The following LARGE1 variants were observed in gnomAD, a reference collection of about 807,000 sequenced individuals.
LARGE1 encodes xylosyl- and glucuronyltransferase LARGE1.
LARGE1 carries 43 observed loss-of-function variants against 87.6 expected under a neutral mutation model. The observed-to-expected ratio is 0.49, with a 90% confidence interval of 0.38 to 0.63. The LOEUF is 0.63. Ranked by LOEUF, LARGE1 falls within the 30% of genes least tolerant of loss-of-function variation. The pLI is 0.00. For missense variants in LARGE1, 802 were observed against 1,000.2 expected (o/e 0.80, Z 2.67); for synonymous variants, 434 against 394.6 (o/e 1.10, Z -1.18).
Position 33,564,742 on chromosome 22 carries a change from C to T in LARGE1, c.787+106G>A, listed in dbSNP as rs142066420. Reference sequence around the variant, plus strand: ...TAATTCCTCACCCACTGCATTAGCACGACCTCATTCGAGGAGACCTCACCT... The same window carrying T: ...TAATTCCTCACCCACTGCATTAGCATGACCTCATTCGAGGAGACCTCACCT... On this transcript the variant is annotated intron_variant, in intron 6 of 14. Coordinates refer to ENST00000397394, the MANE Select transcript of LARGE1 (RefSeq NM_133642.5). 1.0e-4 allele frequency: 115 copies of T among 1,129,736 alleles called. No individual in the cohort carries two copies. The African/African-American group carries it at 1.4e-3, about 13-fold the overall frequency. The allele number at this position is 1,129,736 out of a possible 1,614,324, so 70.0% of individuals were successfully genotyped here.
At chr22:33,713,278 C>T (rs1007652623) in intron 2 of LARGE1, among the ~76,000 whole-genome samples, 3 of 152,114 alleles carry the variant, frequency 2.0e-5, no homozygotes, top group African/African-American at 7.2e-5. Context: ...AAAGTCCCAG[C>T]TCCCCCAGGA....
At chr22:33,804,515 T>G (rs192521691) in intron 1 of LARGE1, among the ~76,000 whole-genome samples, 1 of 152,300 alleles carries the variant, frequency 6.6e-6, no homozygotes, top group East Asian at 1.9e-4. Context: ...CTGCAAGAGA[T>G]CCACAGTTCA....
At chr22:33,554,133 T>G (rs1569264527) in intron 6 of LARGE1, among the ~76,000 whole-genome samples, 1 of 152,062 alleles carries the variant, frequency 6.6e-6, no homozygotes, top group Non-Finnish European at 1.5e-5. Context: ...CAGTGATCCC[T>G]CCTCATGAGT....
At chr22:33,641,227 C>A (rs1389757655) in intron 3 of LARGE1, among the ~76,000 whole-genome samples, 1 of 152,298 alleles carries the variant, frequency 6.6e-6, no homozygotes, top group East Asian at 1.9e-4. Context: ...TGTTCTGAAG[C>A]CTCCGCTGGT....
At chr22:33,150,078 A>C in the LARGE1 span, among the ~76,000 whole-genome samples, 70,561 of 151,924 alleles carry the variant, frequency 0.46, 16,517 homozygotes, top group South Asian at 0.69. Context: ...TTAAAACTTA[A>C]ATTTGTTTTA....
intron 11 of LARGE1, among the ~76,000 whole-genome samples, chr22:33,306,734 C>T (rs934724151): frequency 1.3e-5 from 2 of 151,794 alleles, no homozygotes; most frequent in South Asian, 2.1e-4. Flanking sequence ...ATTAGCCAGG[C>T]GTGGTAGTGA....
At chr22:33,475,398 T>C (rs2069028074) in intron 6 of LARGE1, among the ~76,000 whole-genome samples, 1 of 152,014 alleles carries the variant, frequency 6.6e-6, no homozygotes, top group African/African-American at 2.4e-5. Context: ...TCCTAGTACC[T>C]ACTTGATAAT....
chr22:33,826,012 G>C (rs958867563), intron 1 of LARGE1, among the ~76,000 whole-genome samples: 1 of 152,160 alleles, frequency 6.6e-6, no homozygotes. Context: ...CAAGGACAGA[G>C]AGACCCGCTG....
At chr22:33,476,303 T>C (rs2069076336) in intron 6 of LARGE1, among the ~76,000 whole-genome samples, 1 of 152,202 alleles carries the variant, frequency 6.6e-6, no homozygotes. Context: ...AAAGTGACTA[T>C]TTCTCCACCA....
chr22:33,697,283 A>T (rs528180027), intron 2 of LARGE1, among the ~76,000 whole-genome samples: 1 of 152,182 alleles, frequency 6.6e-6, no homozygotes, highest in Non-Finnish European at 1.5e-5. Context: ...CAGATACAGC[A>T]GGGTCCGTAA....
intron 1 of LARGE1, among the ~76,000 whole-genome samples, chr22:33,850,232 C>A (rs190148730): frequency 6.6e-6 from 1 of 152,198 alleles, no homozygotes; most frequent in Admixed American, 6.5e-5. Flanking sequence ...AGCAATAACA[C>A]GGCCTTCAAA....
intron 6 of LARGE1, among the ~76,000 whole-genome samples, chr22:33,551,205 A>G (rs2077513324): frequency 6.6e-6 from 1 of 152,202 alleles, no homozygotes; most frequent in East Asian, 1.9e-4. Context: ...CAACTGTTAA[A>G]AACACACAAA....
intron 1 of LARGE1, among the ~76,000 whole-genome samples, chr22:33,829,779 TG>T (rs1162412530): frequency 6.6e-6 from 1 of 152,072 alleles, no homozygotes; most frequent in Non-Finnish European, 1.5e-5. Flanking sequence ...CTAACAGCAT[TG>T]CCATTCAAGA....
chr22:33,379,704 T>C (rs940911115), intron 9 of LARGE1, among the ~76,000 whole-genome samples: 8 of 152,094 alleles, frequency 5.3e-5, no homozygotes, highest in African/African-American at 1.7e-4. Context: ...ATTGCAAGGA[T>C]AGAAAACCAA....
intron 6 of LARGE1, among the ~76,000 whole-genome samples, chr22:33,482,738 ATACTCTTTCAGT>A (rs1311073356): frequency 6.6e-6 from 1 of 152,164 alleles, no homozygotes; most frequent in African/African-American, 2.4e-5. Flanking sequence ...CAATCCAATA[ATACTCTTTCAGT>A]TATTTAAAAA....
At chr22:33,430,138 A>C (rs2067026177) in intron 7 of LARGE1, among the ~76,000 whole-genome samples, 1 of 152,198 alleles carries the variant, frequency 6.6e-6, no homozygotes, top group Non-Finnish European at 1.5e-5. Context: ...TTGGTAGTTA[A>C]CACCACAGGC....
intron 6 of LARGE1, among the ~76,000 whole-genome samples, chr22:33,433,633 A>C (rs953335379): frequency 6.7e-6 from 1 of 150,322 alleles, no homozygotes; most frequent in African/African-American, 2.4e-5. Flanking sequence ...AAAAAAAAGA[A>C]AGGGAAATTG....
the LARGE1 span, among the ~76,000 whole-genome samples, chr22:33,077,840 A>G: frequency 1.8e-4 from 27 of 152,314 alleles, 1 homozygote; most frequent in South Asian, 2.5e-3. Context: ...AAATTTTAAT[A>G]CTGAACATTC....
At chr22:33,272,508 C>G (rs989487165), downstream of LARGE1, among the ~76,000 whole-genome samples, 3 of 152,286 alleles carry the variant, frequency 2.0e-5, no homozygotes, top group Admixed American at 1.3e-4. Context: ...TTGACATGTA[C>G]TTTCAAAATT....
Sources: gnomAD v4.1 joint callset for allele counts (sites outside exome capture counted in the v4.1 genomes callset) on GRCh38, gnomAD v4.1.1 for gene constraint, MANE v1.5 for transcripts, NCBI Gene and HGNC (gene_info 2026-07-23, HGNC 2026-07-21) for gene names.